MTHFD1L: variants seen among roughly 807,000 people sequenced by gnomAD.
MTHFD1L encodes monofunctional C1-tetrahydrofolate synthase, mitochondrial.
MTHFD1L carries 81 observed loss-of-function variants against 119.5 expected under a neutral mutation model. The observed-to-expected ratio is 0.68, with a 90% confidence interval of 0.57 to 0.82. The LOEUF is 0.82. Ranked by LOEUF, MTHFD1L falls within the 40% of genes least tolerant of loss-of-function variation. The pLI is 0.00. For synonymous variants in MTHFD1L, 430 were observed against 475.2 expected (o/e 0.90, Z 1.24); for missense variants, 1,125 against 1,253.4 (o/e 0.90, Z 1.55).
intron 18 of MTHFD1L, among the ~76,000 whole-genome samples, chr6:150,961,914 A>G (rs1165404151): frequency 1.3e-5 from 2 of 152,230 alleles, no homozygotes; most frequent in Admixed American, 6.5e-5. Context: ...TTGTATGGCA[A>G]TAAATATGTG....
intron 18 of MTHFD1L, among the ~76,000 whole-genome samples, chr6:150,963,581 CAT>C (rs1434358196): frequency 4.6e-5 from 7 of 152,272 alleles, no homozygotes; most frequent in Non-Finnish European, 1.0e-4. Context: ...AAACCAATCA[CAT>C]GAGAGAAACA....
In MTHFD1L at chr6:150,960,292, A is replaced by G. The variant is rs771959352; in HGVS notation, c.1821A>G (p.Ala607=). ...TGGTTCAGGCGCAGTTTGACATCGC[A>G]GTGGCCAGCGAGATCATGGCGGTGC... ...GHYRQAQFDI[A]VASEIMAVLA... Residue 607 remains alanine (A), a synonymous_variant, in exon 18 of 28, where the codon GCA becomes GCG. Coordinates refer to ENST00000367321, the MANE Select transcript of MTHFD1L (RefSeq NM_015440.5). The G allele has an allele frequency of 1.2e-6, 2 of 1,613,436 alleles. No homozygotes were observed. Among genetic ancestry groups the G allele is most frequent in the South Asian group, 2.2e-5 (2 of 90,990 alleles).
chr6:150,876,821 C>T (rs763455564), intron 2 of MTHFD1L, among the ~76,000 whole-genome samples: 6 of 152,166 alleles, frequency 3.9e-5, no homozygotes, highest in Non-Finnish European at 7.3e-5. Context: ...ATGCCCTTAG[C>T]GTATCAAAAT....
chr6:150,866,378 G>T (rs1439428953), intron 1 of MTHFD1L: 10 of 1,403,608 alleles, frequency 7.1e-6, no homozygotes, highest in South Asian at 6.1e-5. Flanking sequence ...CGCCGGGCGC[G>T]ACCCAGACGG....
intron 11 of MTHFD1L, chr6:150,935,022 A>G: frequency 1.2e-6 from 2 of 1,611,494 alleles, no homozygotes; most frequent in South Asian, 2.2e-5. Context: ...GCCTTCATTC[A>G]GTCCTTCCAC....
At chr6:150,885,185 T>C (rs1233739481) in intron 5 of MTHFD1L, among the ~76,000 whole-genome samples, 1 of 144,980 alleles carries the variant, frequency 6.9e-6, no homozygotes, top group Admixed American at 7.3e-5. Flanking sequence ...TTCTCTTTAA[T>C]TCATTTTTTA....
At chr6:150,874,131 G>A (rs1780004122) in intron 1 of MTHFD1L, among the ~76,000 whole-genome samples, 1 of 152,056 alleles carries the variant, frequency 6.6e-6, no homozygotes. Context: ...ATGGGCCTCA[G>A]TCACCCATTA....
intron 4 of MTHFD1L, among the ~76,000 whole-genome samples, chr6:150,879,635 T>TTC (rs1562303314): frequency 6.7e-6 from 1 of 148,392 alleles, no homozygotes; most frequent in African/African-American, 2.5e-5. Flanking sequence ...TTTTTTTTTT[T>TTC]TTTTTTTTTT....
At chr6:151,087,117 C>T (rs532532783) in intron 26 of MTHFD1L, among the ~76,000 whole-genome samples, 1 of 152,122 alleles carries the variant, frequency 6.6e-6, no homozygotes, top group East Asian at 1.9e-4. Context: ...GGCATGGCGG[C>T]GGGCACCTGT....
At chr6:151,006,979 A>G (rs943235454) in intron 20 of MTHFD1L, among the ~76,000 whole-genome samples, 6 of 151,952 alleles carry the variant, frequency 3.9e-5, no homozygotes, top group African/African-American at 1.5e-4. Context: ...CTTCAGTCCC[A>G]CTCCCCGGTA....
At chr6:151,024,807 C>A (rs117205056) in intron 24 of MTHFD1L, among the ~76,000 whole-genome samples, 1 of 152,174 alleles carries the variant, frequency 6.6e-6, no homozygotes, top group South Asian at 2.1e-4. Flanking sequence ...CCATCATGCC[C>A]GGCCTGTTTT....
intron 26 of MTHFD1L, among the ~76,000 whole-genome samples, chr6:151,062,675 A>G (rs1357765484): frequency 6.6e-6 from 1 of 152,180 alleles, no homozygotes; most frequent in East Asian, 1.9e-4. Flanking sequence ...AAAATAAATC[A>G]AACTCAAAAC....
intron 26 of MTHFD1L, among the ~76,000 whole-genome samples, chr6:151,044,141 G>A (rs553121180): frequency 3.7e-4 from 56 of 152,158 alleles, no homozygotes; most frequent in African/African-American, 1.3e-3. Flanking sequence ...CGGAGGAAAG[G>A]GATACACTGT....
At chr6:151,059,215 T>G (rs11969618) in intron 26 of MTHFD1L, among the ~76,000 whole-genome samples, 3 of 150,002 alleles carry the variant, frequency 2.0e-5, no homozygotes, top group Non-Finnish European at 4.4e-5. Context: ...TGGTGGTGGT[T>G]GTGGTGGTTG....
intron 26 of MTHFD1L, chr6:151,041,948 G>T: frequency 2.6e-6 from 1 of 391,780 alleles, no homozygotes; most frequent in African/African-American, 2.1e-5. Flanking sequence ...TACTTTCCAT[G>T]TTCACTTATA....
intron 26 of MTHFD1L, among the ~76,000 whole-genome samples, chr6:151,062,130 G>A (rs1790710211): frequency 6.6e-6 from 1 of 152,132 alleles, no homozygotes; most frequent in Admixed American, 6.5e-5. Flanking sequence ...AAAGAACAGT[G>A]AATCATTAAG....
At chr6:151,031,940 T>C (rs1364115645) in intron 24 of MTHFD1L, among the ~76,000 whole-genome samples, 2 of 152,232 alleles carry the variant, frequency 1.3e-5, no homozygotes, top group Non-Finnish European at 2.9e-5. Context: ...TCTGTTGATT[T>C]GTGTCACCTC....
At chr6:150,993,543 C>G (rs1779338128) in intron 20 of MTHFD1L, among the ~76,000 whole-genome samples, 1 of 152,140 alleles carries the variant, frequency 6.6e-6, no homozygotes, top group African/African-American at 2.4e-5. Context: ...AACTCCTGGC[C>G]TTAAGTGATC....
At chr6:151,004,070 C>T (rs1337470180) in intron 20 of MTHFD1L, among the ~76,000 whole-genome samples, 1 of 150,474 alleles carries the variant, frequency 6.6e-6, no homozygotes, top group African/African-American at 2.4e-5. Flanking sequence ...TGAGTCCTGG[C>T]CAGGACTCAC....
Sources: gnomAD v4.1 joint callset for allele counts (sites outside exome capture counted in the v4.1 genomes callset) on GRCh38, gnomAD v4.1.1 for gene constraint, MANE v1.5 for transcripts, NCBI Gene and HGNC (gene_info 2026-07-23, HGNC 2026-07-21) for gene names.